MTHFD1L: variants seen among roughly 807,000 people sequenced by gnomAD.
The protein encoded by MTHFD1L is monofunctional C1-tetrahydrofolate synthase, mitochondrial.
In MTHFD1L, 81 loss-of-function variants were observed where a neutral mutation model predicts 119.5. The ratio of observed to expected loss-of-function variants is 0.68; its 90% CI spans 0.57 to 0.82. MTHFD1L has a LOEUF of 0.82. Among genes scored for constraint, MTHFD1L ranks in the 40% least tolerant of loss-of-function variants. MTHFD1L has a pLI of 0.00. For missense variants in MTHFD1L, 1,125 were observed against 1,253.4 expected, an observed-to-expected ratio of 0.90 and a Z score of 1.55; for synonymous variants, 430 against 475.2, an observed-to-expected ratio of 0.90 and a Z score of 1.24.
At position 151,059,851 on chromosome 6, in the gene MTHFD1L, G is replaced by C. The variant is rs1387502349; in HGVS notation, c.2847+22734G>C. 2.0e-5 allele frequency among the ~76,000 whole-genome samples: 3 copies of C among 152,178 alleles called. No individual in the cohort carries two copies. The East Asian group carries it at 5.8e-4, about 29-fold the overall frequency. On this transcript the variant is annotated intron_variant, in intron 26 of 27. Coordinates refer to ENST00000367321, the MANE Select transcript of MTHFD1L (RefSeq NM_015440.5). ...GTCTTACACCATGCACTAGGGAGTC[G>C]CCCGCTTTATTTACGAGCGAGTTGA... is the stretch of plus-strand genomic sequence containing the variant.
At chr6:150,896,440 G>A (rs551658090) in intron 7 of MTHFD1L, among the ~76,000 whole-genome samples, 126 of 152,268 alleles carry the variant, frequency 8.3e-4, no homozygotes, top group Non-Finnish European at 1.4e-3. Flanking sequence ...TCAGTTATGT[G>A]AGTTCATCCC....
intron 24 of MTHFD1L, among the ~76,000 whole-genome samples, chr6:151,018,342 T>C (rs1783447903): frequency 6.6e-6 from 1 of 152,206 alleles, no homozygotes; most frequent in Non-Finnish European, 1.5e-5. Flanking sequence ...TTGATAAGCC[T>C]GGAGTCACAG....
At chr6:150,982,421 C>T (rs1269662472) in intron 20 of MTHFD1L, among the ~76,000 whole-genome samples, 5 of 152,154 alleles carry the variant, frequency 3.3e-5, no homozygotes, top group Admixed American at 1.3e-4. Flanking sequence ...GCATGTAGCA[C>T]GTGCATTTGT....
At chr6:151,009,772 T>C (rs989413002) in intron 20 of MTHFD1L, 47 bp from the exon 21 acceptor site, 2 of 1,607,166 alleles carry the variant, frequency 1.2e-6, no homozygotes, top group Non-Finnish European at 1.7e-6. Context: ...AAAACCTACC[T>C]TTGTTTTTAG....
Position 150,866,371 on chromosome 6 carries a change from CG to C in MTHFD1L, c.227+325del, listed in dbSNP as rs772362166. 25 of 1,406,440 alleles carry C rather than the reference CG, an allele frequency of 1.8e-5. No individual in the cohort carries two copies. The South Asian group carries it at 3.5e-4, about 20-fold the overall frequency. The allele number at this position is 1,406,440 out of a possible 1,614,324, so 87.1% of individuals were successfully genotyped here. A position where few individuals can be genotyped will look rare whatever the true frequency, so the allele number is the denominator to read the frequency against. ...GCCGCCGGCTCTGATGCAATCGCGC[CG>C]GGCGCGACCCAGACGGTAAAGGGGC... On this transcript the variant is annotated intron_variant, in intron 1 of 27. Coordinates refer to ENST00000367321, the MANE Select transcript of MTHFD1L (RefSeq NM_015440.5).
At chr6:151,052,401 T>C (rs1278156000) in intron 26 of MTHFD1L, among the ~76,000 whole-genome samples, 1 of 152,280 alleles carries the variant, frequency 6.6e-6, no homozygotes, top group African/African-American at 2.4e-5. Flanking sequence ...AAGCTTAGTG[T>C]TGGCAGGAGG....
intron 27 of MTHFD1L, among the ~76,000 whole-genome samples, chr6:151,097,648 A>G (rs561339912): frequency 6.6e-6 from 1 of 152,330 alleles, no homozygotes; most frequent in South Asian, 2.1e-4. Flanking sequence ...GTACAAACAT[A>G]CAGTTAGACG....
chr6:150,933,595 T>C (rs371565506), intron 11 of MTHFD1L, among the ~76,000 whole-genome samples: 1 of 152,112 alleles, frequency 6.6e-6, no homozygotes, highest in Non-Finnish European at 1.5e-5. Context: ...GGTGTCAGGA[T>C]AGGCTCACCA....
chr6:150,916,989 G>A (rs889767553), intron 8 of MTHFD1L, among the ~76,000 whole-genome samples: 22 of 150,664 alleles, frequency 1.5e-4, no homozygotes, highest in Admixed American at 2.6e-4. Context: ...TCAAACCCCC[G>A]ACCTCAGATG....
Position 150,882,607 on chromosome 6 carries a change from T to C in MTHFD1L, c.418-155T>C, listed in dbSNP as rs117855163. ...GATGAAAAGAAAAAAATAGGCTTTT[T>C]ATTATGCTTTACACCAAGTTTCCAA... On this transcript the variant is annotated intron_variant, in intron 4 of 27. Coordinates refer to ENST00000367321, the MANE Select transcript of MTHFD1L (RefSeq NM_015440.5). 2.0e-3 allele frequency among the ~76,000 whole-genome samples: 299 copies of C among 152,356 alleles called. 1 individual carries two copies. The highest frequency in any genetic ancestry group is 0.01 in the Middle Eastern group (3 of 294).
intron 7 of MTHFD1L, among the ~76,000 whole-genome samples, chr6:150,897,645 G>C (rs1460509865): frequency 6.6e-6 from 1 of 152,182 alleles, no homozygotes; most frequent in East Asian, 1.9e-4. Flanking sequence ...AGTGTATACT[G>C]CACAAAAGAG....
At chr6:151,096,291 A>G (rs1193591545) in intron 27 of MTHFD1L, among the ~76,000 whole-genome samples, 2 of 152,050 alleles carry the variant, frequency 1.3e-5, no homozygotes, top group Non-Finnish European at 2.9e-5. Flanking sequence ...TGGCATTTCT[A>G]CCCCTTACCC....
At chr6:151,064,792 T>TTTTTTTTG (rs1388884717) in intron 26 of MTHFD1L, among the ~76,000 whole-genome samples, 2 of 151,346 alleles carry the variant, frequency 1.3e-5, no homozygotes, top group African/African-American at 4.8e-5. Flanking sequence ...TTTTTTTGTT[T>TTTTTTTTG]TTTTTTTGTT....
At chr6:151,070,415 C>T (rs1245651027) in intron 26 of MTHFD1L, among the ~76,000 whole-genome samples, 2 of 152,206 alleles carry the variant, frequency 1.3e-5, no homozygotes, top group South Asian at 2.1e-4. Context: ...TTTCAGTTGC[C>T]ATCTGCACTT....
At chr6:150,934,341 T>G (rs944216733) in intron 11 of MTHFD1L, among the ~76,000 whole-genome samples, 1 of 152,256 alleles carries the variant, frequency 6.6e-6, no homozygotes, top group African/African-American at 2.4e-5. Context: ...AAGATGTTAC[T>G]TCCTACAGGA....
At chr6:151,076,426 G>A (rs1792522339) in intron 26 of MTHFD1L, among the ~76,000 whole-genome samples, 1 of 152,102 alleles carries the variant, frequency 6.6e-6, no homozygotes, top group African/African-American at 2.4e-5. Context: ...GAGGCAGGTG[G>A]ATCACTTGAG....
chr6:150,945,855 A>C (rs1793842229), intron 15 of MTHFD1L, among the ~76,000 whole-genome samples: 1 of 152,170 alleles, frequency 6.6e-6, no homozygotes, highest in Admixed American at 6.5e-5. Flanking sequence ...AGCTGGGCAC[A>C]GGAGCACATA....
chr6:150,967,315 G>C (rs867522981), intron 19 of MTHFD1L, among the ~76,000 whole-genome samples: 23 of 152,182 alleles, frequency 1.5e-4, no homozygotes, highest in African/African-American at 5.6e-4. Context: ...TCCTTCAGGA[G>C]CACCTGGTTC....
intron 8 of MTHFD1L, among the ~76,000 whole-genome samples, chr6:150,908,244 G>A (rs1786270075): frequency 6.6e-6 from 1 of 151,626 alleles, no homozygotes; most frequent in Non-Finnish European, 1.5e-5. Flanking sequence ...AAGTTAATAA[G>A]CATGAATCAA....
Sources: allele counts gnomAD v4.1 joint callset (sites outside exome capture counted in the v4.1 genomes callset), GRCh38; gene constraint gnomAD v4.1.1; transcripts MANE v1.5; gene names NCBI Gene and HGNC (gene_info 2026-07-23, HGNC 2026-07-21).